The following RREB1 variants were observed in gnomAD, a reference collection of about 807,000 sequenced individuals.
RREB1 encodes the protein ras-responsive element-binding protein 1.
A neutral mutation model predicts 117.8 loss-of-function variants in RREB1; 27 were observed. That is an observed-to-expected ratio of 0.23 (90% CI 0.17 to 0.32). The LOEUF is 0.32. Among genes scored for constraint, RREB1 ranks in the 10% least tolerant of loss-of-function variants. RREB1 has a pLI of 1.00. For synonymous variants in RREB1, 1,298 were observed against 1,026.7 expected, an observed-to-expected ratio of 1.26 and a Z score of -5.05; for missense variants, 2,577 against 2,378.2, an observed-to-expected ratio of 1.08 and a Z score of -1.74.
chr6:7,138,668 C>G (rs984086980), intron 1 of RREB1, among the ~76,000 whole-genome samples: 1 of 152,118 alleles, frequency 6.6e-6, no homozygotes, highest in African/African-American at 2.4e-5. Flanking sequence ...TTTATTAATA[C>G]CAGAAATTCA....
Position 7,142,548 on chromosome 6 carries a change from G to A in RREB1, c.-284-34107G>A, listed in dbSNP as rs897310008. 4.6e-5 allele frequency among the ~76,000 whole-genome samples: 7 copies of A among 152,382 alleles called. No individual in the cohort carries two copies. The East Asian group carries it at 1.4e-3, about 29-fold the overall frequency. ...GGCTAAAGGTTGCCTGCTGCCAGGCGCCTTGCTGAGTGTGCCCTGCCTTAG... is the reference window on the plus strand; with the variant it reads ...GGCTAAAGGTTGCCTGCTGCCAGGCACCTTGCTGAGTGTGCCCTGCCTTAG... On this transcript the variant is annotated intron_variant, in intron 1 of 12. Coordinates refer to ENST00000379938, the MANE Select transcript of RREB1 (RefSeq NM_001003699.4).
At chr6:7,134,296 T>C (rs1163984946) in intron 1 of RREB1, among the ~76,000 whole-genome samples, 1 of 152,240 alleles carries the variant, frequency 6.6e-6, no homozygotes, top group African/African-American at 2.4e-5. Context: ...GAAAAACAAA[T>C]TGAGCAGTTC....
At position 7,190,130 on chromosome 6, in the gene RREB1, G is replaced by A. The variant is rs144589449; in HGVS notation, c.425+808G>A. On this transcript the variant is annotated intron_variant, in intron 6 of 12. Coordinates refer to ENST00000379938, the MANE Select transcript of RREB1 (RefSeq NM_001003699.4). ...AATGAGTTGGACCAGTTTATTACACGTACACATGGGACATACTGATACAGC... is the reference window on the plus strand; with the variant it reads ...AATGAGTTGGACCAGTTTATTACACATACACATGGGACATACTGATACAGC... 2.0e-4 allele frequency among the ~76,000 whole-genome samples: 30 copies of A among 152,210 alleles called. No homozygotes were observed. In the East Asian group the frequency reaches 4.1e-3, roughly 21 times the overall value.
At chr6:7,204,149 C>CT (rs1426080735) in intron 6 of RREB1, among the ~76,000 whole-genome samples, 3 of 152,214 alleles carry the variant, frequency 2.0e-5, no homozygotes, top group Non-Finnish European at 4.4e-5. Context: ...TACGCATTGT[C>CT]TAACCTTCCT....
intron 10 of RREB1, among the ~76,000 whole-genome samples, chr6:7,232,251 CAG>C (rs990723110): frequency 5.3e-5 from 8 of 152,220 alleles, no homozygotes; most frequent in African/African-American, 1.9e-4. Flanking sequence ...CTGGGTTAAA[CAG>C]GGAGGCGGCT....
intron 10 of RREB1, among the ~76,000 whole-genome samples, chr6:7,234,377 C>G (rs1399546904): frequency 6.6e-6 from 1 of 152,144 alleles, no homozygotes; most frequent in Non-Finnish European, 1.5e-5. Context: ...CCCACCTCCC[C>G]CTGCTGTCAC....
In RREB1 at chr6:7,246,425, C is replaced by T. The variant is rs1273491539; in HGVS notation, c.3975C>T (p.Asp1325=). The T allele has an allele frequency of 6.8e-7, 1 of 1,479,324 alleles. No individual in the cohort carries two copies. 91.6% of individuals were successfully genotyped at this position (1,479,324 alleles called of 1,614,324 possible). A position where few individuals can be genotyped will look rare whatever the true frequency, so the allele number is the denominator to read the frequency against. The change falls in exon 12 of 13, where the codon GAC becomes GAT. Residue 1325 remains aspartate (D), a splice_region_variant and synonymous_variant. Coordinates refer to ENST00000379938, the MANE Select transcript of RREB1 (RefSeq NM_001003699.4). ...CTCCCCGCTGTGCTTGCCCCACAGA[C>T]AGTCAGTCGGATGCGGAGACTGCAG... ...ESDVGSHDST[D]SQSDAETAAA...
intron 11 of RREB1, among the ~76,000 whole-genome samples, chr6:7,244,516 C>A (rs1433818160): frequency 6.6e-6 from 1 of 152,160 alleles, no homozygotes; most frequent in Non-Finnish European, 1.5e-5. Context: ...TGAAATGATT[C>A]AAGAAAAACG....
At chr6:7,117,388 G>GTTTTTTTTTTTTTTTTTTTTTTTT (rs70978941) in intron 1 of RREB1, among the ~76,000 whole-genome samples, 3 of 63,296 alleles carry the variant, frequency 4.7e-5, no homozygotes, top group East Asian at 1.0e-3. Flanking sequence ...TAGGTTTCCT[G>GTTTTTTTTTTTTTTTTTTTTTTTT]TTTTTTTTTT....
rs1273521061 is a variant in RREB1, at chr6:7,200,178, T to TTA, written c.426-10618_426-10617dup. On this transcript the variant is annotated intron_variant, in intron 6 of 12. Coordinates refer to ENST00000379938, the MANE Select transcript of RREB1 (RefSeq NM_001003699.4). ...CCTTTAACAATCAGCACAGCTTATT[T>TTA]TATATATATGTGTGTGTGTATATAT... Among the ~76,000 whole-genome samples, 53 of 152,064 alleles carry TTA rather than the reference T, an allele frequency of 3.5e-4. 1 individual carries two copies. Among genetic ancestry groups the TTA allele is most frequent in the South Asian group, 6.2e-4 (3 of 4,814 alleles).
rs549101864 is a variant in RREB1 at position 7,158,320 on chromosome 6, T to G, written c.-284-18335T>G. Among the ~76,000 whole-genome samples the G allele has an allele frequency of 7.2e-5, 11 of 152,274 alleles. No homozygotes were observed. The East Asian group carries it at 1.9e-3, about 27-fold the overall frequency. ...CCTCCCTATTCCCTTTGTTCCCGTT[T>G]GTAGGCAGGTCTCCCTCCCCTGCAA... On this transcript the variant is annotated intron_variant, in intron 1 of 12. Transcript: ENST00000379938.
At chr6:7,162,047 C>T (rs1250682731) in intron 1 of RREB1, among the ~76,000 whole-genome samples, 1 of 152,132 alleles carries the variant, frequency 6.6e-6, no homozygotes, top group Non-Finnish European at 1.5e-5. Flanking sequence ...CATCATTCTG[C>T]CAGCCGCATC....
At chr6:7,133,705 A>G (rs1420820557) in intron 1 of RREB1, among the ~76,000 whole-genome samples, 2 of 152,242 alleles carry the variant, frequency 1.3e-5, no homozygotes, top group Non-Finnish European at 2.9e-5. Context: ...TAATTATTTC[A>G]CTGCACCTAT....
chr6:7,126,152 C>T (rs943725110), intron 1 of RREB1, among the ~76,000 whole-genome samples: 1 of 152,068 alleles, frequency 6.6e-6, no homozygotes, highest in Non-Finnish European at 1.5e-5. Context: ...CAGGTGCGCA[C>T]CACCACACCC....
chr6:7,144,268 G>C (rs61426948), intron 1 of RREB1, among the ~76,000 whole-genome samples: 1 of 152,060 alleles, frequency 6.6e-6, no homozygotes, highest in Non-Finnish European at 1.5e-5. Context: ...AGATATGTTA[G>C]CTTGATTTAA....
intron 1 of RREB1, among the ~76,000 whole-genome samples, chr6:7,170,142 T>C (rs1450459156): frequency 1.3e-5 from 2 of 152,218 alleles, no homozygotes; most frequent in Admixed American, 6.5e-5. Context: ...GTGTTATTTC[T>C]AATAAAATGC....
chr6:7,216,044 C>A (rs1281135443), intron 8 of RREB1: 1 of 152,240 alleles, frequency 6.6e-6, no homozygotes, highest in East Asian at 1.9e-4. Context: ...TCTTAGATGG[C>A]CCCCTGATGA....
intron 1 of RREB1, among the ~76,000 whole-genome samples, chr6:7,165,415 G>T (rs192784203): frequency 7.9e-5 from 12 of 152,140 alleles, no homozygotes; most frequent in African/African-American, 2.4e-4. Flanking sequence ...AGTAAATTAC[G>T]GGTGGTGAGC....
intron 1 of RREB1, among the ~76,000 whole-genome samples, chr6:7,129,658 T>C (rs1215045010): frequency 6.6e-6 from 1 of 152,236 alleles, no homozygotes; most frequent in Non-Finnish European, 1.5e-5. Context: ...GTTGAAAAGC[T>C]GAATCACATA....
Sources: allele counts gnomAD v4.1 joint callset (sites outside exome capture counted in the v4.1 genomes callset), GRCh38; gene constraint gnomAD v4.1.1; transcripts MANE v1.5; gene names NCBI Gene and HGNC (gene_info 2026-07-23, HGNC 2026-07-21).